The following GRIK2 variants were observed in gnomAD, a reference collection of about 807,000 sequenced individuals.
GRIK2 encodes glutamate receptor ionotropic, kainate 2.
Under a neutral mutation model 100.3 loss-of-function variants are expected in GRIK2, and 32 were observed. The observed-to-expected ratio is 0.32, with a 90% confidence interval of 0.24 to 0.43. GRIK2 has a LOEUF of 0.43. GRIK2 is among the 20% of genes least tolerant of loss of function. The pLI is 1.00. For missense variants in GRIK2, 843 were observed against 1,114.9 expected, an observed-to-expected ratio of 0.76 and a Z score of 3.47; for synonymous variants, 417 against 389.4, an observed-to-expected ratio of 1.07 and a Z score of -0.83.
chr6:101,563,151 G>C (rs1022505841), intron 2 of GRIK2, among the ~76,000 whole-genome samples: 1 of 152,142 alleles, frequency 6.6e-6, no homozygotes, highest in African/African-American at 2.4e-5. Flanking sequence ...TGCGACACAT[G>C]TTTTTAAGCA....
At chr6:101,923,285 G>T (rs1450025604) in intron 12 of GRIK2, among the ~76,000 whole-genome samples, 1 of 151,774 alleles carries the variant, frequency 6.6e-6, no homozygotes, top group African/African-American at 2.4e-5. Context: ...ATTCTAATTT[G>T]GTTTATAAAA....
intron 2 of GRIK2, among the ~76,000 whole-genome samples, chr6:101,473,410 A>T (rs1562163121): frequency 6.6e-6 from 1 of 151,750 alleles, no homozygotes; most frequent in Non-Finnish European, 1.5e-5. Flanking sequence ...GATTTTGTAA[A>T]CAATTAGAGT....
At chr6:101,926,641 T>C (rs1789925050) in intron 13 of GRIK2, among the ~76,000 whole-genome samples, 1 of 152,140 alleles carries the variant, frequency 6.6e-6, no homozygotes, top group Non-Finnish European at 1.5e-5. Flanking sequence ...CAAATATACA[T>C]TTGCTTCGCC....
At chr6:101,460,727 T>G (rs990339070) in intron 2 of GRIK2, among the ~76,000 whole-genome samples, 23 of 152,174 alleles carry the variant, frequency 1.5e-4, no homozygotes, top group Non-Finnish European at 2.9e-5. Context: ...TTCCTTAATT[T>G]TCTCTGGAAG....
chr6:101,896,692 T>C (rs926301101), intron 12 of GRIK2, among the ~76,000 whole-genome samples: 3 of 151,664 alleles, frequency 2.0e-5, no homozygotes, highest in Non-Finnish European at 4.4e-5. Context: ...GTGGAAAGAC[T>C]CCTGGAAGCA....
At chr6:101,432,317 T>C (rs1769454311) in intron 2 of GRIK2, among the ~76,000 whole-genome samples, 1 of 152,210 alleles carries the variant, frequency 6.6e-6, no homozygotes, top group African/African-American at 2.4e-5. Context: ...CTCTGTCCTA[T>C]GTGCTTACTA....
intron 11 of GRIK2, among the ~76,000 whole-genome samples, chr6:101,862,203 G>A (rs1784771023): frequency 6.6e-6 from 1 of 151,994 alleles, no homozygotes; most frequent in African/African-American, 2.4e-5. Flanking sequence ...TGTTCTCCTA[G>A]GCAGGTAAAT....
At chr6:101,955,237 G>A (rs912411587) in intron 14 of GRIK2, among the ~76,000 whole-genome samples, 7 of 151,990 alleles carry the variant, frequency 4.6e-5, no homozygotes, top group African/African-American at 1.7e-4. Context: ...AAGTGTCCCT[G>A]CCTCTTTTGC....
intron 14 of GRIK2, among the ~76,000 whole-genome samples, chr6:102,021,954 C>T (rs560453885): frequency 2.7e-4 from 32 of 119,076 alleles, no homozygotes; most frequent in Admixed American, 1.2e-3. Context: ...CTGATACATT[C>T]GGAAAAAAAA....
intron 12 of GRIK2, among the ~76,000 whole-genome samples, chr6:101,923,853 G>A (rs1272761707): frequency 2.7e-5 from 4 of 150,770 alleles, no homozygotes; most frequent in Non-Finnish European, 5.9e-5. Context: ...CCCAGGAGGC[G>A]GAGGTTGCAG....
At position 101,818,416 on chromosome 6, in the gene GRIK2, A is replaced by G. The variant is rs746116443; in HGVS notation, c.1250A>G (p.Gln417Arg). The G allele has an allele frequency of 6.2e-7, 1 of 1,612,132 alleles. No homozygotes were observed. Among genetic ancestry groups the G allele is most frequent in the East Asian group, 2.2e-5 (1 of 44,788 alleles). ...PASGLNMTESQKGKPANITDS... is the reference protein window; with the variant it reads ...PASGLNMTESRKGKPANITDS... ...AGTGGCCTGAATATGACAGAAAGTC[A>G]AAAGGGAAAGCCAGCGAACATCACA... is the stretch of plus-strand genomic sequence containing the variant. Residue 417 changes from glutamine (Q) to arginine (R), a missense_variant, in exon 10 of 17, where the codon CAA (glutamine) becomes CGA (arginine). Coordinates refer to ENST00000369134, the MANE Select transcript of GRIK2 (RefSeq NM_021956.5).
Position 101,930,395 on chromosome 6 carries a change from C to T in GRIK2, c.2085+1763C>T, listed in dbSNP as rs189490667. Among the ~76,000 whole-genome samples the T allele has an allele frequency of 4.0e-3, 599 of 151,542 alleles. 3 individuals carry two copies. The highest frequency in any genetic ancestry group is 6.4e-3 in the Non-Finnish European group (433 of 67,866). The stretch of plus-strand genomic sequence containing the variant: ...TAAATAAGTCGCTGAAATTGCTAAA[C>T]GTGCGTTGTTAGTGTCAACAACTTG... On this transcript the variant is annotated intron_variant, in intron 14 of 16. Transcript: ENST00000369134.
chr6:101,722,796 C>G (rs1054387201), intron 7 of GRIK2, among the ~76,000 whole-genome samples: 1 of 151,906 alleles, frequency 6.6e-6, no homozygotes, highest in Non-Finnish European at 1.5e-5. Flanking sequence ...GATGGTGGAA[C>G]CAGAGTCAGA....
intron 2 of GRIK2, among the ~76,000 whole-genome samples, chr6:101,506,224 T>C (rs1486028577): frequency 6.6e-6 from 1 of 152,148 alleles, no homozygotes; most frequent in East Asian, 1.9e-4. Flanking sequence ...TTAAAAACAC[T>C]GTTCATGTGT....
At chr6:101,708,030 G>A (rs12215026) in intron 7 of GRIK2, among the ~76,000 whole-genome samples, 4,151 of 151,660 alleles carry the variant, frequency 0.027, 80 homozygotes, top group Non-Finnish European at 0.042. Flanking sequence ...ATAATATATG[G>A]TTCCCAATTG....
intron 7 of GRIK2, among the ~76,000 whole-genome samples, chr6:101,731,134 A>C (rs996998250): frequency 1.3e-5 from 2 of 152,040 alleles, no homozygotes; most frequent in African/African-American, 4.8e-5. Flanking sequence ...TGAAGAAAGT[A>C]TTACTCATCT....
intron 7 of GRIK2, among the ~76,000 whole-genome samples, chr6:101,715,826 A>G (rs1774025350): frequency 1.3e-5 from 2 of 151,882 alleles, no homozygotes; most frequent in South Asian, 2.1e-4. Flanking sequence ...AGTTTAGTTT[A>G]TAAACCTGCT....
chr6:101,981,152 T>G (rs1255452417), intron 14 of GRIK2, among the ~76,000 whole-genome samples: 3 of 151,830 alleles, frequency 2.0e-5, no homozygotes, highest in African/African-American at 7.2e-5. Flanking sequence ...CCAAGCAGGT[T>G]GATGACATCA....
chr6:101,551,905 T>C (rs1018880663), intron 2 of GRIK2, among the ~76,000 whole-genome samples: 3 of 152,202 alleles, frequency 2.0e-5, no homozygotes, highest in Admixed American at 6.5e-5. Flanking sequence ...GTGGCAATAA[T>C]TATGATTGGG....
Sources: gnomAD v4.1 joint callset for allele counts (sites outside exome capture counted in the v4.1 genomes callset) on GRCh38, gnomAD v4.1.1 for gene constraint, MANE v1.5 for transcripts, NCBI Gene and HGNC (gene_info 2026-07-23, HGNC 2026-07-21) for gene names.